DPY19L3: variants seen among roughly 807,000 people sequenced by gnomAD.
DPY19L3 encodes the protein protein C-mannosyl-transferase DPY19L3.
Under a neutral mutation model 92.3 loss-of-function variants are expected in DPY19L3, and 51 were observed. The observed-to-expected ratio is 0.55, with a 90% CI of 0.44 to 0.70. DPY19L3 has a LOEUF of 0.70. Among genes scored for constraint, DPY19L3 ranks in the 30% least tolerant of loss-of-function variants. The pLI, the probability that DPY19L3 is intolerant of heterozygous loss-of-function variation, is 0.00. For missense variants in DPY19L3, 706 were observed against 855.9 expected (o/e 0.82, Z 2.18); for synonymous variants, 309 against 315.2 (o/e 0.98, Z 0.21).
At position 32,483,386 on chromosome 19, in the gene DPY19L3, G is replaced by T. The variant is rs530074124; in HGVS notation, c.*1146G>T. 1.2e-4 allele frequency: 19 copies of T among 152,690 alleles called. No individual in the cohort carries two copies. The highest frequency in any genetic ancestry group is 4.6e-4 in the African/African-American group (19 of 41,540). 9.5% of individuals were successfully genotyped at this position (152,690 alleles called of 1,614,324 possible). A position where few individuals can be genotyped will look rare whatever the true frequency, so the allele number is the denominator to read the frequency against. ...ATATGTACCTGCTCAAAATTTTTTT[G>T]ATAATCGCTTATATAATTAATTTCT... is the stretch of plus-strand genomic sequence containing the variant. On this transcript the variant is annotated 3_prime_UTR_variant, in exon 19 of 19. Transcript: ENST00000392250.
At chr19:32,439,998 T>G in intron 8 of DPY19L3, 88 bp downstream of exon 8, 1 of 1,513,254 alleles carries the variant, frequency 6.6e-7, no homozygotes, top group African/African-American at 1.4e-5. Flanking sequence ...CAAGTACTTA[T>G]GGATAAAATT....
chr19:32,476,637 C>T (rs1294979310), intron 16 of DPY19L3, among the ~76,000 whole-genome samples: 1 of 150,580 alleles, frequency 6.6e-6, no homozygotes, highest in Non-Finnish European at 1.5e-5. Flanking sequence ...GGAGTCTTTT[C>T]TTGGTCCCTA....
intron 7 of DPY19L3, 44 bp from the exon 8 acceptor site, chr19:32,439,732 A>G: frequency 6.3e-7 from 1 of 1,588,680 alleles, no homozygotes. Flanking sequence ...AAGGTTTTTT[A>G]TTACTAGAGA....
intron 1 of DPY19L3, among the ~76,000 whole-genome samples, chr19:32,407,264 T>TTC (rs1967994937): frequency 1.2e-5 from 1 of 81,306 alleles, no homozygotes; most frequent in East Asian, 2.6e-4. Flanking sequence ...AGGCTCCTGC[T>TTC]CCCCCCCACC....
At chr19:32,477,733 G>C in intron 17 of DPY19L3, 79 bp downstream of exon 17, 1 of 1,566,834 alleles carries the variant, frequency 6.4e-7, no homozygotes, top group Non-Finnish European at 8.7e-7. Context: ...TAAAGATGGG[G>C]CTGAATGCTG....
intron 8 of DPY19L3, among the ~76,000 whole-genome samples, chr19:32,450,701 CT>C (rs1969671751): frequency 6.6e-6 from 1 of 152,062 alleles, no homozygotes; most frequent in South Asian, 2.1e-4. Flanking sequence ...GTTGCCGGAG[CT>C]GGGGGTAGGG....
chr19:32,479,970 C>G (rs1274179157), intron 17 of DPY19L3, among the ~76,000 whole-genome samples: 1 of 152,232 alleles, frequency 6.6e-6, no homozygotes, highest in Non-Finnish European at 1.5e-5. Flanking sequence ...AGCTGGGGCT[C>G]TGCCTTATTG....
rs948681172 is a variant in DPY19L3, at chr19:32,408,140, G to T, written c.-37-77G>T. ...ATAGAGGGAAAATGGCATAAGTAAA[G>T]GCATTTCAGCATGGATGAGCACGGG... On this transcript the variant is annotated intron_variant, in intron 1 of 18. Transcript: ENST00000392250. The T allele has an allele frequency of 1.3e-5, 9 of 719,512 alleles. No homozygotes were observed. In the South Asian group the frequency reaches 1.4e-4, roughly 11 times the overall value. 44.6% of individuals were successfully genotyped at this position (719,512 alleles called of 1,614,324 possible). A position where few individuals can be genotyped will look rare whatever the true frequency, so the allele number is the denominator to read the frequency against.
At chr19:32,445,925 C>G (rs1006346111) in intron 8 of DPY19L3, among the ~76,000 whole-genome samples, 1 of 152,002 alleles carries the variant, frequency 6.6e-6, no homozygotes, top group Non-Finnish European at 1.5e-5. Flanking sequence ...TGCTTTGAAC[C>G]TAGGAGGCGG....
At chr19:32,475,196 C>G (rs942033081) in intron 16 of DPY19L3, among the ~76,000 whole-genome samples, 1 of 152,116 alleles carries the variant, frequency 6.6e-6, no homozygotes, top group Non-Finnish European at 1.5e-5. Flanking sequence ...CACAGAGATT[C>G]CTATTATACA....
intron 3 of DPY19L3, among the ~76,000 whole-genome samples, chr19:32,416,649 A>G (rs975857732): frequency 2.6e-5 from 4 of 152,242 alleles, no homozygotes; most frequent in African/African-American, 4.8e-5. Context: ...GGAGTGACAC[A>G]TGCAGCCAAG....
intron 16 of DPY19L3, among the ~76,000 whole-genome samples, chr19:32,474,519 C>T (rs1364662660): frequency 1.3e-5 from 2 of 152,166 alleles, no homozygotes; most frequent in Admixed American, 1.3e-4. Flanking sequence ...TTAGTAAATA[C>T]GTGATACACT....
chr19:32,419,795 C>A (rs913717251), intron 3 of DPY19L3, among the ~76,000 whole-genome samples: 1 of 151,738 alleles, frequency 6.6e-6, no homozygotes, highest in East Asian at 1.9e-4. Context: ...ATTGTCCTTT[C>A]AATGCAACCT....
intron 10 of DPY19L3, 121 bp downstream of exon 10, chr19:32,455,161 C>T (rs776330296): frequency 2.4e-5 from 16 of 671,340 alleles, no homozygotes; most frequent in Admixed American, 1.2e-4. Flanking sequence ...AGGGTCTTGC[C>T]GTTTCCTAGG....
chr19:32,446,451 C>T (rs1969502009), intron 8 of DPY19L3, among the ~76,000 whole-genome samples: 1 of 152,096 alleles, frequency 6.6e-6, no homozygotes, highest in South Asian at 2.1e-4. Flanking sequence ...ATTTAAAAAG[C>T]ATGACCCAGC....
intron 15 of DPY19L3, chr19:32,467,490 AC>A: frequency 1.0e-6 from 1 of 987,606 alleles, no homozygotes; most frequent in Non-Finnish European, 1.2e-6. Flanking sequence ...AAGTCCTGAC[AC>A]CTGATTTCCC....
rs1226822480 is a variant in DPY19L3 at position 32,482,042 on chromosome 19, T to C, written c.1990-37T>C. On this transcript the variant is annotated intron_variant, in intron 18 of 18. Coordinates refer to ENST00000392250, the MANE Select transcript of DPY19L3 (RefSeq NM_001172774.2). ...CTACTGTCTTTTGTAAATAGAATTT[T>C]CCCCCCAAATTGTATTTGGGTTTGT... 1.9e-6 allele frequency: 3 copies of C among 1,597,522 alleles called. No individual in the cohort carries two copies. The Admixed American group carries it at 5.3e-5, about 28-fold the overall frequency.
intron 16 of DPY19L3, among the ~76,000 whole-genome samples, chr19:32,476,828 C>G (rs1000590503): frequency 6.6e-6 from 1 of 152,026 alleles, no homozygotes; most frequent in Non-Finnish European, 1.5e-5. Flanking sequence ...TTTGTGTATC[C>G]CCCATATTAA....
chr19:32,409,477 C>T (rs1320008115), intron 2 of DPY19L3, among the ~76,000 whole-genome samples: 2 of 152,160 alleles, frequency 1.3e-5, no homozygotes, highest in African/African-American at 4.8e-5. Context: ...GATCAATTTC[C>T]TTGTGGCCAT....
Sources: allele counts gnomAD v4.1 joint callset (sites outside exome capture counted in the v4.1 genomes callset), GRCh38; gene constraint gnomAD v4.1.1; transcripts MANE v1.5; gene names NCBI Gene and HGNC (gene_info 2026-07-23, HGNC 2026-07-21).